Variants in CFAP46 observed in about 807,000 individuals in gnomAD.
The protein encoded by CFAP46 is cilia- and flagella-associated protein 46.
CFAP46 carries 245 observed loss-of-function variants against 325.7 expected under a neutral mutation model. The observed-to-expected ratio is 0.75, with a 90% confidence interval of 0.68 to 0.84. The LOEUF is 0.84. CFAP46 is among the 40% of genes least tolerant of loss of function. The pLI is 0.00. For synonymous variants in CFAP46, 1,523 were observed against 1,495.9 expected (o/e 1.02, Z -0.42); for missense variants, 3,346 against 3,543.0 (o/e 0.94, Z 1.41).
At chr10:132,935,297 C>A (rs1345173154) in intron 7 of CFAP46, among the ~76,000 whole-genome samples, 1 of 141,656 alleles carries the variant, frequency 7.1e-6, no homozygotes, top group Non-Finnish European at 1.5e-5. Flanking sequence ...CCCTGAGCAC[C>A]CAAACACACT....
intron 29 of CFAP46, among the ~76,000 whole-genome samples, chr10:132,878,887 G>C (rs988133223): frequency 5.9e-5 from 9 of 152,220 alleles, no homozygotes; most frequent in Non-Finnish European, 1.0e-4. Flanking sequence ...CTAGACAGAC[G>C]CACGGGGAGG....
chr10:132,810,301 G>C, intron 57 of CFAP46, 108 bp downstream of exon 57: 1 of 916,592 alleles, frequency 1.1e-6, no homozygotes, highest in Admixed American at 1.8e-5. Flanking sequence ...GTCCCCCACG[G>C]AGAAGCGGAG....
rs980820601 is a variant in CFAP46, at chr10:132,818,977, C to T, written c.7118-4063G>A. Among the ~76,000 whole-genome samples, 7 of 151,626 alleles carry T rather than the reference C, an allele frequency of 4.6e-5. No homozygotes were observed. The East Asian group carries it at 1.3e-3, about 29-fold the overall frequency. ...AGACCTCAAAGACTCTACCAAAAAA[C>T]TGTTAGAACTAATAAATTAAGTAAA... On this transcript the variant is annotated intron_variant, in intron 50 of 57. Coordinates refer to ENST00000368586, the MANE Select transcript of CFAP46 (RefSeq NM_001200049.3).
rs1021992169 is a variant in CFAP46, at chr10:132,877,987, C to T, written c.4106G>A (p.Arg1369Lys). ...CCTCTCCTTCTCCTTCTCTTTACTC[C>T]TCTCATTCTCCTTCTCTTTTTTAGG... ...LLPKKEKENERSKEKEKERSK... is the reference protein window; with the variant it reads ...LLPKKEKENEKSKEKEKERSK... Residue 1369 changes from arginine to lysine, a missense_variant, in exon 30 of 58, where the codon AGG (arginine) becomes AAG (lysine). Arg to Lys is a conservative substitution (Grantham distance 26, BLOSUM62 2). Transcript: ENST00000368586. The surrounding 1 kb of genome is among the most constrained non-coding windows in gnomAD (Gnocchi z 5.7). 30 of 1,550,168 alleles carry T rather than the reference C, an allele frequency of 1.9e-5. No homozygotes were observed. Among genetic ancestry groups the T allele is most frequent in the Non-Finnish European group, 2.6e-5 (30 of 1,146,988 alleles).
intron 37 of CFAP46, among the ~76,000 whole-genome samples, chr10:132,859,491 C>T (rs920369114): frequency 4.0e-5 from 6 of 151,722 alleles, no homozygotes; most frequent in Non-Finnish European, 7.4e-5. Flanking sequence ...CCCTCTCCTA[C>T]TTGACTCACT....
intron 44 of CFAP46, among the ~76,000 whole-genome samples, chr10:132,842,716 G>A (rs1848364868): frequency 1.3e-5 from 2 of 152,188 alleles, no homozygotes; most frequent in African/African-American, 4.8e-5. Context: ...AGTTCTGGAG[G>A]CTGAGAAGTC....
chr10:132,850,342 G>A lies in CFAP46; in HGVS notation c.5854C>T (p.Arg1952Cys), dbSNP rs139242960. The A allele has an allele frequency of 9.5e-4, 1,477 of 1,557,556 alleles. 10 individuals are homozygous for A. Among genetic ancestry groups the A allele is most frequent in the African/African-American group, 5.2e-3 (385 of 73,496 alleles). The change falls in exon 41 of 58, where the codon CGC becomes TGC. Residue 1952 changes from arginine to cysteine, a missense_variant. Transcript: ENST00000368586. ...CCGGCCAGGCCCAGGAGCCGGGCGC[G>A]GATCTCCACACAGCCCACGCTCAGC... The part of the protein sequence containing the change: ...QPLSVGCVEI[R>C]ARLLGLAGRA...
At chr10:132,820,595 A>T (rs112325528) in intron 50 of CFAP46, among the ~76,000 whole-genome samples, 2 of 132,932 alleles carry the variant, frequency 1.5e-5, no homozygotes, top group Non-Finnish European at 3.1e-5. Context: ...GTGCTGTGTG[A>T]GCACTGATGT....
rs761415906 is a variant in CFAP46, at chr10:132,846,201, C to G, written c.6294G>C (p.Arg2098Ser). The G allele has an allele frequency of 2.0e-5, 33 of 1,612,064 alleles. No individual in the cohort carries two copies. Among genetic ancestry groups the G allele is most frequent in the Middle Eastern group, 1.7e-4 (1 of 5,724 alleles). ...TGGCTGTGGCTGCAAGCAGGACATCCCTCATCGTCTCTGAGGCCGAGCAGC... is the reference window on the plus strand; with the variant it reads ...TGGCTGTGGCTGCAAGCAGGACATCGCTCATCGTCTCTGAGGCCGAGCAGC... ...SQSCSASETM[R>S]DVLLAATANT... Residue 2098 changes from arginine (R) to serine (S), a missense_variant, in exon 44 of 58, where the codon AGG becomes AGC. Physicochemically the swap from Arg to Ser is moderately radical, Grantham distance 110 (BLOSUM62 -1). Transcript: ENST00000368586.
intron 44 of CFAP46, among the ~76,000 whole-genome samples, chr10:132,844,427 A>G (rs1236902729): frequency 2.6e-5 from 4 of 152,154 alleles, no homozygotes; most frequent in Non-Finnish European, 4.4e-5. Flanking sequence ...TCCACGGCTG[A>G]TAACTTCAAA....
At chr10:132,930,015 G>C (rs1849868884) in intron 8 of CFAP46, among the ~76,000 whole-genome samples, 1 of 152,114 alleles carries the variant, frequency 6.6e-6, no homozygotes, top group African/African-American at 2.4e-5. Flanking sequence ...GTCTCCCGGG[G>C]CCAGCACAGT....
At chr10:132,846,001 C>T in intron 44 of CFAP46, 56 bp downstream of exon 44, 1 of 1,548,408 alleles carries the variant, frequency 6.5e-7, no homozygotes, top group Non-Finnish European at 8.7e-7. Context: ...GCTGCAGTGT[C>T]TGTCCACAGA....
rs1850067119 is a variant in CFAP46, at chr10:132,939,662, G to A, written c.372-909C>T. 6.6e-6 allele frequency among the ~76,000 whole-genome samples: 1 copy of A among 152,178 alleles called. No individual in the cohort carries two copies. The highest frequency in any genetic ancestry group is 2.4e-5 in the African/African-American group (1 of 41,446). On this transcript the variant is annotated intron_variant, in intron 4 of 57. Coordinates refer to ENST00000368586, the MANE Select transcript of CFAP46 (RefSeq NM_001200049.3). This position sits in a 1 kb window ranked among gnomAD's most constrained non-coding sequence, Gnocchi z 4.6. Reference sequence around the variant, plus strand: ...CTGTTTCCAGGTTTTCAGGAGAGGAGCGGAGGTGCGGGGTGTCCTGACCAG... The same window carrying A: ...CTGTTTCCAGGTTTTCAGGAGAGGAACGGAGGTGCGGGGTGTCCTGACCAG...
intron 50 of CFAP46, among the ~76,000 whole-genome samples, chr10:132,826,278 C>G (rs1848048160): frequency 7.1e-6 from 1 of 141,212 alleles, no homozygotes; most frequent in African/African-American, 2.8e-5. Flanking sequence ...CAGGCAGGAG[C>G]CGGAGCCGCA....
intron 35 of CFAP46, among the ~76,000 whole-genome samples, chr10:132,865,661 C>T (rs1445083843): frequency 1.3e-5 from 2 of 152,202 alleles, no homozygotes; most frequent in African/African-American, 2.4e-5. Flanking sequence ...AACAAAGTGG[C>T]GCTCCTGGCA....
rs1269356949 is a variant in CFAP46 at position 132,913,203 on chromosome 10, C to T, written c.2176G>A (p.Glu726Lys). ...GCCTCCTGGATCTCCTGTCCGATCT[C>T]TGCGGAGCGCAGCCAGTTATTCATG... ...CAMNNWLRSA[E>K]IGQEIQEAWI... Residue 726 changes from glutamate (E) to lysine (K), a missense_variant, in exon 18 of 58, where the codon GAG becomes AAG. Transcript: ENST00000368586. The T allele has an allele frequency of 6.5e-7, 1 of 1,550,372 alleles. No homozygotes were observed. The highest frequency in any genetic ancestry group is 8.7e-7 in the Non-Finnish European group (1 of 1,147,008).
At chr10:132,811,120 G>A (rs1219061829) in intron 55 of CFAP46, 89 bp from the exon 56 acceptor site, 5 of 1,115,442 alleles carry the variant, frequency 4.5e-6, no homozygotes, top group Non-Finnish European at 6.5e-6. Flanking sequence ...GTGCCCCAAG[G>A]GCGCAGCAGG....
At chr10:132,929,931 ATTAAG>A in intron 8 of CFAP46, 127 bp from the exon 9 acceptor site, 2 of 697,228 alleles carry the variant, frequency 2.9e-6, no homozygotes, top group Non-Finnish European at 4.7e-6. Context: ...AATAAATAAA[ATTAAG>A]TTAATTAGAA....
At position 132,912,265 on chromosome 10, in the gene CFAP46, CCTCT is replaced by C. The variant is rs375354351; in HGVS notation, c.2499+386_2499+389del. ...TCTTTCCTCTCTCTCTCTTCCCTCT[CCTCT>C]CTCTTCTCCTCTCTCCTCCTCTCTC... On this transcript the variant is annotated intron_variant, in intron 19 of 57. Coordinates refer to ENST00000368586, the MANE Select transcript of CFAP46 (RefSeq NM_001200049.3). 8.5e-3 allele frequency among the ~76,000 whole-genome samples: 932 copies of C among 109,826 alleles called. 27 individuals carry two copies. Among genetic ancestry groups the C allele is most frequent in the South Asian group, 0.01 (29 of 2,764 alleles). 72.1% of individuals were successfully genotyped at this position (109,826 alleles called of 152,430 possible). A position where few individuals can be genotyped will look rare whatever the true frequency, so the allele number is the denominator to read the frequency against.
Sources: gnomAD v4.1 joint callset for allele counts (sites outside exome capture counted in the v4.1 genomes callset) on GRCh38, gnomAD v4.1.1 for gene constraint, Gnocchi (gnomAD v3.1) non-coding constraint, MANE v1.5 for transcripts, NCBI Gene and HGNC (gene_info 2026-07-23, HGNC 2026-07-21) for gene names.